The following PKP3 variants were observed in gnomAD, a reference collection of about 807,000 sequenced individuals.
PKP3 encodes the protein plakophilin-3.
Under a neutral mutation model 76.5 loss-of-function variants are expected in PKP3, and 66 were observed. That is an observed-to-expected ratio of 0.86 (90% CI 0.71 to 1.06). The LOEUF (loss-of-function observed/expected upper bound fraction) is 1.06. PKP3 is among the 50% of genes least tolerant of loss of function. PKP3 has a pLI of 0.00. For missense variants in PKP3, 1,338 were observed against 1,141.0 expected, an observed-to-expected ratio of 1.17 and a Z score of -2.49; for synonymous variants, 638 against 516.5, an observed-to-expected ratio of 1.24 and a Z score of -3.19.
Position 397,018 on chromosome 11 carries a change from C to T in PKP3, c.517C>T (p.Arg173Trp), listed in dbSNP as rs139738756. Residue 173 changes from arginine (R) to tryptophan (W), a missense_variant, in exon 3 of 13, where the codon CGG (arginine) becomes TGG (tryptophan). Arg to Trp is a moderately radical substitution (Grantham distance 101). Coordinates refer to ENST00000331563, the MANE Select transcript of PKP3 (RefSeq NM_007183.4). ...SFHERGGVGS[R>W]ADYDTLSLRS... Reference sequence around the variant, plus strand: ...CCATGAGCGCGGTGGGGTTGGGAGCCGGGCCGACTATGACACACTCTCCCT... The same window carrying T: ...CCATGAGCGCGGTGGGGTTGGGAGCTGGGCCGACTATGACACACTCTCCCT... 199 of 1,599,810 alleles carry T rather than the reference C, an allele frequency of 1.2e-4. 1 individual carries two copies. The African/African-American group carries it at 2.0e-3, about 16-fold the overall frequency.
At position 400,066 on chromosome 11, in the gene PKP3, G is replaced by A. The variant is rs1847124521; in HGVS notation, c.1373G>A (p.Gly458Glu). The change falls in exon 6 of 13, where the codon GGG becomes GAG. Residue 458 changes from glycine (G) to glutamate (E), a missense_variant. Transcript: ENST00000331563. Reference protein sequence around the residue: ...LTDLVLSPLSGAGGPPLIQQN... With the variant: ...LTDLVLSPLSEAGGPPLIQQN... Reference sequence around the variant, plus strand: ...GACCTGGTGTTGAGCCCCCTGTCGGGGGCTGGGGGTCCCCCCCTCATCCAG... The same window carrying A: ...GACCTGGTGTTGAGCCCCCTGTCGGAGGCTGGGGGTCCCCCCCTCATCCAG... 6.2e-7 allele frequency: 1 copy of A among 1,602,970 alleles called. No homozygotes were observed. The highest frequency in any genetic ancestry group is 2.2e-5 in the East Asian group (1 of 44,644).
chr11:398,228 G>A (rs1187044526), intron 4 of PKP3, among the ~76,000 whole-genome samples: 8 of 57,762 alleles, frequency 1.4e-4, no homozygotes, highest in Admixed American at 1.9e-4. Flanking sequence ...ACACACCTGC[G>A]TCACCTCCCT....
In PKP3 at chr11:397,143, G is replaced by C. The variant is rs201982353; in HGVS notation, c.642G>C (p.Ala214=). ...CCACCTCCACCTACAGGGCCTTTGC[G>C]TACGAGCGCCAGGCCAGCTCCAGCT... ...PAATSTYRAF[A]YERQASSSSS... The change falls in exon 3 of 13, where the codon GCG becomes GCC. Residue 214 remains alanine (A), a synonymous_variant. Coordinates refer to ENST00000331563, the MANE Select transcript of PKP3 (RefSeq NM_007183.4). The C allele has an allele frequency of 2.5e-6, 4 of 1,597,822 alleles. No individual in the cohort carries two copies. Among genetic ancestry groups the C allele is most frequent in the Admixed American group, 1.7e-5 (1 of 59,896 alleles).
Position 399,306 on chromosome 11 carries a change from C to A in PKP3, c.1273+110C>A, listed in dbSNP as rs557552977. Reference sequence around the variant, plus strand: ...CCTCCACCTGCCCACCATCTGCCCCCCTTCTCCACCTGCCCCCTCTGCCAC... The same window carrying A: ...CCTCCACCTGCCCACCATCTGCCCCACTTCTCCACCTGCCCCCTCTGCCAC... On this transcript the variant is annotated intron_variant, in intron 5 of 12. Transcript: ENST00000331563. The A allele has an allele frequency of 1.2e-4, 48 of 409,542 alleles. 1 individual carries two copies. The highest frequency in any genetic ancestry group is 1.1e-3 in the East Asian group (22 of 20,100). The allele number at this position is 409,542 out of a possible 1,614,324, so 25.4% of individuals were successfully genotyped here. A position where few individuals can be genotyped will look rare whatever the true frequency, so the allele number is the denominator to read the frequency against.
Position 394,256 on chromosome 11 carries a change from G to A in PKP3, c.-37G>A. On this transcript the variant is annotated 5_prime_UTR_variant, in exon 1 of 13. Coordinates refer to ENST00000331563, the MANE Select transcript of PKP3 (RefSeq NM_007183.4). ...GGACGTGAAGATAGTTGGGTTTGGA[G>A]GCGGCCGCCAGGCCCAGGCCCGGTG... 4.1e-6 allele frequency: 6 copies of A among 1,463,312 alleles called. No individual in the cohort carries two copies. Among genetic ancestry groups the A allele is most frequent in the South Asian group, 2.7e-5 (2 of 75,128 alleles). The allele number at this position is 1,463,312 out of a possible 1,614,324, so 90.6% of individuals were successfully genotyped here.
At position 394,310 on chromosome 11, in the gene PKP3, C is replaced by A; in HGVS notation, c.18C>A (p.Phe6Leu). The change falls in exon 1 of 13, where the codon TTC becomes TTA. Residue 6 changes from phenylalanine (F) to leucine (L), a missense_variant. Phe to Leu is a conservative substitution (Grantham distance 22). Transcript: ENST00000331563. ...CTGCCGCCATGCAGGACGGTAACTT[C>A]CTGCTGTCGGCCCTGCAGCCTGAGG... is the stretch of plus-strand genomic sequence containing the variant. MQDGN[F>L]LLSALQPEAG... The A allele has an allele frequency of 6.6e-7, 1 of 1,514,712 alleles. No individual in the cohort carries two copies. The highest frequency in any genetic ancestry group is 8.8e-7 in the Non-Finnish European group (1 of 1,138,122). The allele number at this position is 1,514,712 out of a possible 1,614,324, so 93.8% of individuals were successfully genotyped here.
In PKP3 at chr11:397,206, T is replaced by C. The variant is rs766035102; in HGVS notation, c.705T>C (p.Thr235=). The C allele has an allele frequency of 5.6e-6, 9 of 1,598,678 alleles. No homozygotes were observed. Among genetic ancestry groups the C allele is most frequent in the Admixed American group, 5.0e-5 (3 of 59,844 alleles). ...GGGGGCTGGACTGGCCCGAGGCCAC[T>C]GAGGTTTCCCCGAGCCGGACCATCC... The part of the protein sequence containing the change: ...RAGGLDWPEA[T]EVSPSRTIRA... The change falls in exon 3 of 13, where the codon ACT becomes ACC. Residue 235 remains threonine (T), a synonymous_variant. Coordinates refer to ENST00000331563, the MANE Select transcript of PKP3 (RefSeq NM_007183.4).
chr11:404,264 G>A lies in PKP3; in HGVS notation c.2299G>A (p.Ala767Thr). The change falls in exon 12 of 13, where the codon GCA becomes ACA. Residue 767 changes from alanine to threonine, a missense_variant. Ala to Thr is a moderately conservative substitution (Grantham distance 58, BLOSUM62 0). Coordinates refer to ENST00000331563, the MANE Select transcript of PKP3 (RefSeq NM_007183.4). The surrounding 1 kb of genome is among the most constrained non-coding windows in gnomAD (Gnocchi z 4.2). ...SPDSEKSSRA[A>T]SSLLANLWQY... ...CGACAGTGAGAAGTCCTCCCGGGCA[G>A]CATCCAGCCTCCTGGCCAACCTGTG... 1 of 1,612,638 alleles carries A rather than the reference G, an allele frequency of 6.2e-7. No individual in the cohort carries two copies. The highest frequency in any genetic ancestry group is 8.5e-7 in the Non-Finnish European group (1 of 1,179,856).
intron 1 of PKP3, among the ~76,000 whole-genome samples, chr11:394,910 C>T (rs1019075324): frequency 9.2e-5 from 14 of 152,164 alleles, no homozygotes. Context: ...ACCCAGACAC[C>T]CACGCTCCTC....
intron 9 of PKP3, 34 bp downstream of exon 9, chr11:403,297 A>T: frequency 6.8e-7 from 1 of 1,463,604 alleles, no homozygotes; most frequent in Non-Finnish European, 9.2e-7. Flanking sequence ...AGGGGGTCCC[A>T]GGGGTTCATG....
In PKP3 at chr11:403,281, G is replaced by A; in HGVS notation, c.1923+18G>A. 1 of 1,548,464 alleles carries A rather than the reference G, an allele frequency of 6.5e-7. No individual in the cohort carries two copies. Among genetic ancestry groups the A allele is most frequent in the Non-Finnish European group, 8.7e-7 (1 of 1,151,822 alleles). Reference sequence around the variant, plus strand: ...ACCGCAGGGTGGGGCACCCAACCCAGACCCGAGGGGGTCCCAGGGGTTCAT... The same window carrying A: ...ACCGCAGGGTGGGGCACCCAACCCAAACCCGAGGGGGTCCCAGGGGTTCAT... On this transcript the variant is annotated intron_variant, in intron 9 of 12. Transcript: ENST00000331563.
At chr11:398,107 C>T (rs1301717088) in intron 4 of PKP3, among the ~76,000 whole-genome samples, 3 of 77,278 alleles carry the variant, frequency 3.9e-5, no homozygotes, top group Admixed American at 1.3e-4. Context: ...CCCCCGCACA[C>T]ACCTGTGTCA....
At chr11:398,307 C>A (rs868706252) in intron 4 of PKP3, among the ~76,000 whole-genome samples, 2 of 55,018 alleles carry the variant, frequency 3.6e-5, no homozygotes, top group Middle Eastern at 0.012. Flanking sequence ...CCCCCGCACA[C>A]ACCTGCGTCA....
intron 9 of PKP3, 134 bp from the exon 10 acceptor site, chr11:403,484 G>T (rs74045276): frequency 8.7e-6 from 8 of 917,186 alleles, no homozygotes; most frequent in East Asian, 5.1e-5. Context: ...GATTCCCCCC[G>T]GCTGGGGGGC....
intron 5 of PKP3, 131 bp downstream of exon 5, chr11:399,327 GCCACCTGCCCC>G: frequency 3.4e-6 from 1 of 293,566 alleles, no homozygotes; most frequent in Non-Finnish European, 5.7e-6. Flanking sequence ...TGCCCCCTCT[GCCACCTGCCCC>G]CCTACTCCTC....
chr11:403,319 G>A (rs1847189479), intron 9 of PKP3, 56 bp downstream of exon 9: 7 of 1,366,804 alleles, frequency 5.1e-6, no homozygotes, highest in Non-Finnish European at 6.9e-6. Flanking sequence ...GGTTGAGGGG[G>A]GGACAGAGGA....
intron 1 of PKP3, 29 bp downstream of exon 1, chr11:394,553 G>T: frequency 7.4e-7 from 1 of 1,354,218 alleles, no homozygotes; most frequent in Non-Finnish European, 9.5e-7. Context: ...GGCGGGGATG[G>T]CGGTGGCGGG....
In PKP3 at chr11:400,070, T is replaced by C; in HGVS notation, c.1377T>C (p.Ala459=). The C allele has an allele frequency of 1.2e-6, 2 of 1,602,554 alleles. No individual in the cohort carries two copies. Among genetic ancestry groups the C allele is most frequent in the Middle Eastern group, 2.2e-4 (1 of 4,452 alleles). The change falls in exon 6 of 13, where the codon GCT becomes GCC. Residue 459 remains alanine, a synonymous_variant. Transcript: ENST00000331563. Reference sequence around the variant, plus strand: ...TGGTGTTGAGCCCCCTGTCGGGGGCTGGGGGTCCCCCCCTCATCCAGCAGA... The same window carrying C: ...TGGTGTTGAGCCCCCTGTCGGGGGCCGGGGGTCCCCCCCTCATCCAGCAGA... ...TDLVLSPLSG[A]GGPPLIQQNA... is the part of the protein sequence containing the mutation.
chr11:404,687 G>A lies in PKP3; in HGVS notation c.*118G>A. 1 of 952,606 alleles carries A rather than the reference G, an allele frequency of 1.0e-6. No homozygotes were observed. The allele number at this position is 952,606 out of a possible 1,614,324, so 59.0% of individuals were successfully genotyped here. A position where few individuals can be genotyped will look rare whatever the true frequency, so the allele number is the denominator to read the frequency against. ...GCTAATGACGGAGGGGCCCCTCGCT[G>A]GGGCCCCTGTGTGCATCTTTGAGGG... On this transcript the variant is annotated 3_prime_UTR_variant, in exon 13 of 13. Coordinates refer to ENST00000331563, the MANE Select transcript of PKP3 (RefSeq NM_007183.4). The surrounding 1 kb of genome is among the most constrained non-coding windows in gnomAD (Gnocchi z 4.2).
Sources: gnomAD v4.1 joint callset for allele counts (sites outside exome capture counted in the v4.1 genomes callset) on GRCh38, gnomAD v4.1.1 for gene constraint, Gnocchi (gnomAD v3.1) non-coding constraint, MANE v1.5 for transcripts, NCBI Gene and HGNC (gene_info 2026-07-23, HGNC 2026-07-21) for gene names.